The following DPYD variants were observed in gnomAD, a reference collection of about 807,000 sequenced individuals.
DPYD encodes the protein dihydropyrimidine dehydrogenase.
DPYD carries 109 observed loss-of-function variants against 116.2 expected under a neutral mutation model. The ratio of observed to expected loss-of-function variants is 0.94; its 90% CI spans 0.80 to 1.10. The LOEUF is 1.10. Ranked by LOEUF, DPYD falls within the 50% of genes least tolerant of loss-of-function variation. The pLI, the probability that DPYD is intolerant of heterozygous loss-of-function variation, is 0.00. For missense variants in DPYD, 1,302 were observed against 1,254.5 expected (o/e 1.04, Z -0.57); for synonymous variants, 440 against 432.0 (o/e 1.02, Z -0.23).
chr1:97,287,337 C>T (rs1218459562), intron 18 of DPYD, among the ~76,000 whole-genome samples: 2 of 152,182 alleles, frequency 1.3e-5, no homozygotes, highest in Admixed American at 6.5e-5. Context: ...TCTGCCCCTA[C>T]TGGGAGGTGC....
intron 20 of DPYD, among the ~76,000 whole-genome samples, chr1:97,116,454 C>G (rs1409441816): frequency 6.6e-6 from 1 of 152,172 alleles, no homozygotes; most frequent in African/African-American, 2.4e-5. Flanking sequence ...AGGCAGATTA[C>G]TTGAGCCCAG....
At chr1:97,213,078 G>A (rs1024543472) in intron 19 of DPYD, among the ~76,000 whole-genome samples, 5 of 149,202 alleles carry the variant, frequency 3.4e-5, no homozygotes, top group African/African-American at 1.3e-4. Flanking sequence ...AGAAAGAATA[G>A]GGGCTCTCTG....
intron 14 of DPYD, 52 bp downstream of exon 14, chr1:97,450,007 C>A: frequency 6.2e-7 from 1 of 1,607,366 alleles, no homozygotes; most frequent in East Asian, 2.2e-5. Flanking sequence ...TTTAAATAAA[C>A]ATTCACCAAC....
chr1:97,740,609 T>C, intron 3 of DPYD, 130 bp from the exon 4 acceptor site: 2 of 786,392 alleles, frequency 2.5e-6, no homozygotes, highest in South Asian at 1.6e-5. Flanking sequence ...GTACAAAACA[T>C]TTTTAAGCAA....
intron 10 of DPYD, among the ~76,000 whole-genome samples, chr1:97,575,770 T>C (rs1289964331): frequency 6.6e-6 from 1 of 152,182 alleles, no homozygotes; most frequent in Non-Finnish European, 1.5e-5. Context: ...GATAGTTTCC[T>C]TATATATAAA....
At chr1:97,235,777 G>T (rs1256524177) in intron 18 of DPYD, among the ~76,000 whole-genome samples, 1 of 152,116 alleles carries the variant, frequency 6.6e-6, no homozygotes, top group Non-Finnish European at 1.5e-5. Context: ...AAGGCAAGGT[G>T]CTGATGAACT....
intron 8 of DPYD, among the ~76,000 whole-genome samples, chr1:97,655,466 G>A (rs1658852423): frequency 1.3e-5 from 2 of 152,266 alleles, no homozygotes; most frequent in South Asian, 4.1e-4. Flanking sequence ...TCCTTCCACT[G>A]CTGCCTGCTG....
At chr1:97,328,980 T>C (rs957973631) in intron 16 of DPYD, among the ~76,000 whole-genome samples, 1 of 152,180 alleles carries the variant, frequency 6.6e-6, no homozygotes, top group African/African-American at 2.4e-5. Flanking sequence ...CACATTTAAT[T>C]AAAGCTAATA....
intron 3 of DPYD, among the ~76,000 whole-genome samples, chr1:97,756,180 A>G (rs1665221767): frequency 1.3e-5 from 2 of 152,196 alleles, no homozygotes; most frequent in African/African-American, 2.4e-5. Context: ...TGTGTAACCA[A>G]AGAGATCATA....
intron 19 of DPYD, among the ~76,000 whole-genome samples, chr1:97,214,772 C>A (rs1360370591): frequency 6.6e-6 from 1 of 152,208 alleles, no homozygotes; most frequent in African/African-American, 2.4e-5. Context: ...GGCCAGTTGG[C>A]TGTCTTGTCT....
intron 16 of DPYD, among the ~76,000 whole-genome samples, chr1:97,339,453 G>T (rs781065559): frequency 1.8e-4 from 28 of 152,078 alleles, no homozygotes; most frequent in Non-Finnish European, 3.5e-4. Flanking sequence ...TCTTACAAAA[G>T]AAAGATTATG....
chr1:97,547,067 G>C (rs1171216000), intron 12 of DPYD: 1 of 1,051,482 alleles, frequency 9.5e-7, no homozygotes, highest in African/African-American at 1.6e-5. Context: ...TGTTGAGGGA[G>C]GTGTAGTTTT....
intron 11 of DPYD, among the ~76,000 whole-genome samples, chr1:97,565,596 T>C (rs1308001984): frequency 3.3e-5 from 5 of 152,210 alleles, no homozygotes; most frequent in African/African-American, 7.2e-5. Context: ...CTTTTGTATA[T>C]GATGTTCTCT....
Position 97,606,962 on chromosome 1 carries a change from A to G in DPYD, c.851-11796T>C, listed in dbSNP as rs116240210. 8.2e-3 allele frequency among the ~76,000 whole-genome samples: 1,254 copies of G among 152,032 alleles called. 8 individuals are homozygous for G. Among genetic ancestry groups the G allele is most frequent in the Admixed American group, 0.014 (212 of 15,220 alleles). On this transcript the variant is annotated intron_variant, in intron 8 of 22. Coordinates refer to ENST00000370192, the MANE Select transcript of DPYD (RefSeq NM_000110.4). ...ATTTCACTCAAAGATAAGTAACTTA[A>G]ATTATAGTGTTCATATTACGACAAA...
At chr1:97,400,943 G>T (rs1673338636) in intron 14 of DPYD, among the ~76,000 whole-genome samples, 1 of 152,058 alleles carries the variant, frequency 6.6e-6, no homozygotes, top group Non-Finnish European at 1.5e-5. Flanking sequence ...CAACGAATGA[G>T]AGCTCCTTTG....
chr1:97,407,459 C>T (rs1673728678), intron 14 of DPYD, among the ~76,000 whole-genome samples: 1 of 152,026 alleles, frequency 6.6e-6, no homozygotes, highest in South Asian at 2.1e-4. Flanking sequence ...GGTACTGTGT[C>T]TTAGGCAACG....
chr1:97,245,454 T>C (rs1375864353), intron 18 of DPYD, among the ~76,000 whole-genome samples: 3 of 152,126 alleles, frequency 2.0e-5, no homozygotes, highest in African/African-American at 7.2e-5. Flanking sequence ...AAAAGACATA[T>C]TTCCCCAGCC....
intron 3 of DPYD, among the ~76,000 whole-genome samples, chr1:97,770,995 G>C (rs993778813): frequency 6.6e-6 from 1 of 152,090 alleles, no homozygotes; most frequent in Admixed American, 6.6e-5. Context: ...CAAAATGTAC[G>C]TTTTCTAGCA....
At chr1:97,105,798 A>C (rs1651094432) in intron 20 of DPYD, among the ~76,000 whole-genome samples, 1 of 152,146 alleles carries the variant, frequency 6.6e-6, no homozygotes, top group Non-Finnish European at 1.5e-5. Context: ...CTCAGAGGTT[A>C]ATACAATCTT....
Sources: allele counts gnomAD v4.1 joint callset (sites outside exome capture counted in the v4.1 genomes callset), GRCh38; gene constraint gnomAD v4.1.1; transcripts MANE v1.5; gene names NCBI Gene and HGNC (gene_info 2026-07-23, HGNC 2026-07-21).